Variants in NXPE4 observed in about 807,000 individuals in gnomAD.
The protein encoded by NXPE4 is neurexophilin and PC-esterase domain family member 4.
Under a neutral mutation model 33.3 loss-of-function variants are expected in NXPE4, and 42 were observed. That is an observed-to-expected ratio of 1.26 (90% CI 0.98 to 1.63). NXPE4 has a LOEUF of 1.63. NXPE4 is among the 40% of genes most tolerant of loss of function. The pLI, the probability that NXPE4 is intolerant of heterozygous loss-of-function variation, is 0.00. For missense variants in NXPE4, 709 were observed against 647.6 expected, an observed-to-expected ratio of 1.09 and a Z score of -1.03; for synonymous variants, 253 against 234.9, an observed-to-expected ratio of 1.08 and a Z score of -0.71.
chr11:114,651,001 T>A, the NXPE4 span, among the ~76,000 whole-genome samples: 1 of 152,080 alleles, frequency 6.6e-6, no homozygotes, highest in African/African-American at 2.4e-5. Flanking sequence ...GCCCCCACCC[T>A]AAGCACAAGG....
the NXPE4 span, among the ~76,000 whole-genome samples, chr11:114,603,148 T>C: frequency 5.9e-5 from 9 of 151,788 alleles, no homozygotes; most frequent in African/African-American, 1.4e-4. Context: ...ATTATTGCCT[T>C]GTCTCCTAGG....
At chr11:114,607,700 T>C in the NXPE4 span, among the ~76,000 whole-genome samples, 6 of 148,342 alleles carry the variant, frequency 4.0e-5, no homozygotes, top group African/African-American at 1.2e-4. Flanking sequence ...CCACTGTTAC[T>C]TGGTGGATAA....
chr11:114,656,316 G>T, the NXPE4 span, among the ~76,000 whole-genome samples: 41 of 152,158 alleles, frequency 2.7e-4, no homozygotes, highest in Non-Finnish European at 4.7e-4. Flanking sequence ...AATTCTCATG[G>T]ATAGGAAGAA....
intron 2 of NXPE4, among the ~76,000 whole-genome samples, chr11:114,588,322 C>T (rs76574026): frequency 0.18 from 27,531 of 152,078 alleles, 2,856 homozygotes; most frequent in Non-Finnish European, 0.22. Flanking sequence ...CTTCTTATTG[C>T]AGGATCTTAG....
At chr11:114,676,349 C>G in the NXPE4 span, among the ~76,000 whole-genome samples, 3 of 151,592 alleles carry the variant, frequency 2.0e-5, no homozygotes, top group South Asian at 4.2e-4. Flanking sequence ...CATTTGCAAA[C>G]CATACATCTG....
intron 5 of NXPE4, among the ~76,000 whole-genome samples, chr11:114,575,218 A>G (rs1490007217): frequency 1.3e-5 from 2 of 152,110 alleles, no homozygotes; most frequent in Non-Finnish European, 2.9e-5. Flanking sequence ...ATCTACAACA[A>G]ACCCCTAGCC....
chr11:114,637,924 A>G, the NXPE4 span, among the ~76,000 whole-genome samples: 1 of 151,868 alleles, frequency 6.6e-6, no homozygotes, highest in Non-Finnish European at 1.5e-5. Flanking sequence ...ACTTTGGTGA[A>G]TCTGACAATT....
chr11:114,655,762 A>C, the NXPE4 span, among the ~76,000 whole-genome samples: 76,012 of 152,000 alleles, frequency 0.5, 20,173 homozygotes, highest in East Asian at 0.79. Flanking sequence ...ATGTCAAGAA[A>C]AACCTCTCAA....
chr11:114,676,917 GGT>G, the NXPE4 span, among the ~76,000 whole-genome samples: 11 of 151,874 alleles, frequency 7.2e-5, no homozygotes, highest in African/African-American at 2.7e-4. Context: ...TAAACAGTTG[GGT>G]GTTGCTCAGC....
At chr11:114,635,540 G>A in the NXPE4 span, among the ~76,000 whole-genome samples, 9 of 152,088 alleles carry the variant, frequency 5.9e-5, no homozygotes, top group South Asian at 1.7e-3. Flanking sequence ...CCTGTCTTGT[G>A]CCAGTTTTCA....
chr11:114,584,871 T>A (rs1165746354), intron 2 of NXPE4, among the ~76,000 whole-genome samples: 3 of 152,172 alleles, frequency 2.0e-5, no homozygotes, highest in Admixed American at 2.0e-4. Flanking sequence ...TGCTGGGTGA[T>A]CTCTTCTAGG....
the NXPE4 span, among the ~76,000 whole-genome samples, chr11:114,618,727 G>A: frequency 6.6e-6 from 1 of 152,068 alleles, no homozygotes; most frequent in Non-Finnish European, 1.5e-5. Context: ...TTCTTACCCT[G>A]TGGAAAATAA....
chr11:114,582,427 G>A lies in NXPE4; in HGVS notation c.691C>T (p.Gln231Ter). Reference protein sequence around the residue: ...LILNTNAELCQYLDNRDQEGF... With the variant: ...LILNTNAELC ...TCTTGGTCTCTGTTGTCCAGGTACTGGCACAATTCAGCATTTGTGTTTAGG... is the reference window on the plus strand; with the variant it reads ...TCTTGGTCTCTGTTGTCCAGGTACTAGCACAATTCAGCATTTGTGTTTAGG... The change falls in exon 3 of 6, where the codon CAG becomes TAG. Residue 231 changes from glutamine to a stop codon, truncating the protein, a stop_gained. Coordinates refer to ENST00000375478, the MANE Select transcript of NXPE4 (RefSeq NM_001077639.2). LOFTEE classifies it high-confidence loss of function. 6.2e-7 allele frequency: 1 copy of A among 1,614,114 alleles called. No individual in the cohort carries two copies. Among genetic ancestry groups the A allele is most frequent in the Non-Finnish European group, 8.5e-7 (1 of 1,179,988 alleles).
the NXPE4 span, among the ~76,000 whole-genome samples, chr11:114,601,371 C>T: frequency 2.3e-4 from 33 of 145,136 alleles, no homozygotes; most frequent in African/African-American, 8.4e-4. Flanking sequence ...AGTTATGTCA[C>T]TTAGGATAAT....
the NXPE4 span, among the ~76,000 whole-genome samples, chr11:114,623,883 T>C: frequency 6.6e-6 from 1 of 152,166 alleles, no homozygotes; most frequent in East Asian, 1.9e-4. Flanking sequence ...ACCCAGGGGA[T>C]AGTAAGTATT....
At chr11:114,671,338 T>TAGA in the NXPE4 span, among the ~76,000 whole-genome samples, 130,915 of 151,230 alleles carry the variant, frequency 0.87, 57,318 homozygotes, top group Non-Finnish European at 0.92. Context: ...ATAGAGGAAT[T>TAGA]AGGAGAGGAT....
chr11:114,678,010 T>C, the NXPE4 span, among the ~76,000 whole-genome samples: 1 of 152,102 alleles, frequency 6.6e-6, no homozygotes, highest in Admixed American at 6.6e-5. Flanking sequence ...CTGTTCCTCT[T>C]ATGGCCTGAG....
At chr11:114,628,997 C>A in the NXPE4 span, among the ~76,000 whole-genome samples, 4 of 151,996 alleles carry the variant, frequency 2.6e-5, no homozygotes, top group South Asian at 4.2e-4. Context: ...CTGAATAGAC[C>A]AATAACAGGC....
chr11:114,632,958 A>T, the NXPE4 span, among the ~76,000 whole-genome samples: 1 of 102,354 alleles, frequency 9.8e-6, no homozygotes, highest in Non-Finnish European at 1.7e-5. Context: ...GATATTTTAT[A>T]TAATTATATA....
Sources: allele counts gnomAD v4.1 joint callset (sites outside exome capture counted in the v4.1 genomes callset), GRCh38; gene constraint gnomAD v4.1.1; transcripts MANE v1.5; gene names NCBI Gene and HGNC (gene_info 2026-07-23, HGNC 2026-07-21).